Variants in SYNE2 observed in about 807,000 individuals in gnomAD.
SYNE2 encodes the protein nesprin-2.
SYNE2 carries 431 observed loss-of-function variants against 856.3 expected under a neutral mutation model. That is an observed-to-expected ratio of 0.50 (90% CI 0.47 to 0.55). The LOEUF (loss-of-function observed/expected upper bound fraction) is 0.55, where lower values mean the gene tolerates loss of function less well. Ranked by LOEUF, SYNE2 falls within the 20% of genes least tolerant of loss-of-function variation. The pLI, the probability that SYNE2 is intolerant of heterozygous loss-of-function variation, is 0.00. For missense variants in SYNE2, 8,129 were observed against 8,023.2 expected (o/e 1.01, Z -0.50); for synonymous variants, 2,923 against 2,872.3 (o/e 1.02, Z -0.56).
rs2098464701 is a variant in SYNE2, at chr14:64,182,748, T to C, written c.17557-3676T>C. ...CAGCATCCCAAGGCAGAATTTTTCT[T>C]AGTACAGAACAAAATGGAGTCTCCT... is the stretch of plus-strand genomic sequence containing the variant. On this transcript the variant is annotated intron_variant, in intron 96 of 115. Coordinates refer to ENST00000555002, the MANE Select transcript of SYNE2 (RefSeq NM_182914.3). 2.0e-5 allele frequency among the ~76,000 whole-genome samples: 3 copies of C among 152,360 alleles called. No individual in the cohort carries two copies. In the South Asian group the frequency reaches 6.2e-4, roughly 32 times the overall value.
intron 79 of SYNE2, 90 bp downstream of exon 79, chr14:64,138,073 C>A: frequency 7.0e-7 from 1 of 1,428,366 alleles, no homozygotes; most frequent in Non-Finnish European, 9.6e-7. Flanking sequence ...TACCTGCAAC[C>A]CACCTTATGC....
intron 1 of SYNE2, among the ~76,000 whole-genome samples, chr14:63,764,282 A>G (rs1277421742): frequency 1.3e-5 from 2 of 152,226 alleles, no homozygotes; most frequent in African/African-American, 4.8e-5. Flanking sequence ...GTGAAAGTCC[A>G]GTCAGAAACA....
intron 99 of SYNE2, among the ~76,000 whole-genome samples, chr14:64,199,607 A>T (rs1436378916): frequency 6.6e-6 from 1 of 151,496 alleles, no homozygotes; most frequent in Non-Finnish European, 1.5e-5. Context: ...AATCCCAGCT[A>T]CTCAGGAGTC....
intron 65 of SYNE2, chr14:64,112,947 G>C: frequency 1.1e-6 from 1 of 944,518 alleles, no homozygotes; most frequent in Admixed American, 6.2e-5. Flanking sequence ...TGTTGGAATA[G>C]AGTGTGCAGC....
At chr14:63,859,945 TTCCCTCCCTCCCTCCC>T (rs201459646) in intron 1 of SYNE2, among the ~76,000 whole-genome samples, 11 of 100,460 alleles carry the variant, frequency 1.1e-4, no homozygotes, top group African/African-American at 3.5e-4. Flanking sequence ...CTCCCCTTCC[TTCCCTCCCTCCCTCCC>T]TCCCTCCCTC....
At chr14:64,125,643 T>C (rs1203914275) in intron 71 of SYNE2, among the ~76,000 whole-genome samples, 1 of 152,164 alleles carries the variant, frequency 6.6e-6, no homozygotes, top group Non-Finnish European at 1.5e-5. Flanking sequence ...AGCTATGGCA[T>C]GCTCCTAAAC....
At chr14:64,168,810 A>G (rs2098396247) in intron 92 of SYNE2, 67 bp from the exon 93 acceptor site, 4 of 1,074,332 alleles carry the variant, frequency 3.7e-6, no homozygotes, top group African/African-American at 3.1e-5. Context: ...TTAATAGGAA[A>G]TGTAGGTTCC....
chr14:64,186,432 A>G lies in SYNE2; in HGVS notation c.17565A>G (p.Glu5855=). 1 of 1,614,204 alleles carries G rather than the reference A, an allele frequency of 6.2e-7. No homozygotes were observed. Residue 5855 remains glutamate, a synonymous_variant, in exon 97 of 116, where the codon GAA becomes GAG. Transcript: ENST00000555002. ...HNEKELIKEL[E]QSLASWTQNL... The stretch of plus-strand genomic sequence containing the variant: ...CTTGTGATTAAATGCAGGAACTAGA[A>G]CAGTCTTTGGCTAGCTGGACTCAGA...
chr14:64,111,551 C>T (rs1386946897), intron 65 of SYNE2, among the ~76,000 whole-genome samples: 3 of 152,092 alleles, frequency 2.0e-5, no homozygotes, highest in Non-Finnish European at 2.9e-5. Flanking sequence ...GTAATCCCAG[C>T]ACTTTGGGAG....
At chr14:63,939,347 CTTTTTTTTTTTT>C (rs1056199146) in intron 2 of SYNE2, among the ~76,000 whole-genome samples, 4 of 115,176 alleles carry the variant, frequency 3.5e-5, no homozygotes, top group African/African-American at 1.3e-4. Context: ...TTTTTTTTTT[CTTTTTTTTTTTT>C]TTTTTTGAGA....
At chr14:63,985,974 C>A (rs1036308128) in intron 18 of SYNE2, among the ~76,000 whole-genome samples, 1 of 152,142 alleles carries the variant, frequency 6.6e-6, no homozygotes, top group African/African-American at 2.4e-5. Context: ...TGCCACTGTA[C>A]TCCAGCCTGG....
rs1029555139 is a variant in SYNE2 at position 64,096,300 on chromosome 14, C to T, written c.12109-1649C>T. On this transcript the variant is annotated intron_variant, in intron 61 of 115. Coordinates refer to ENST00000555002, the MANE Select transcript of SYNE2 (RefSeq NM_182914.3). ...ACAACGAATATACTTGGTGTTCCTGCCTTGATTCATATTAGGTGCCGGTAG... is the reference window on the plus strand; with the variant it reads ...ACAACGAATATACTTGGTGTTCCTGTCTTGATTCATATTAGGTGCCGGTAG... Among the ~76,000 whole-genome samples, 3 of 152,174 alleles carry T rather than the reference C, an allele frequency of 2.0e-5. No homozygotes were observed. The East Asian group carries it at 5.8e-4, about 29-fold the overall frequency.
intron 10 of SYNE2, among the ~76,000 whole-genome samples, chr14:63,967,388 C>T (rs2096408275): frequency 1.3e-5 from 2 of 152,172 alleles, no homozygotes; most frequent in African/African-American, 4.8e-5. Flanking sequence ...TGAGTGCATA[C>T]TTGCGGAGAA....
chr14:63,811,282 G>T (rs1045348657), intron 1 of SYNE2, among the ~76,000 whole-genome samples: 1 of 151,930 alleles, frequency 6.6e-6, no homozygotes, highest in Non-Finnish European at 1.5e-5. Context: ...TTGATTCAGG[G>T]TCTTGCTCTG....
chr14:64,213,943 ACTTC>A (rs1415791493), intron 105 of SYNE2, among the ~76,000 whole-genome samples: 1 of 152,160 alleles, frequency 6.6e-6, no homozygotes, highest in Non-Finnish European at 1.5e-5. Flanking sequence ...AGATTATCAA[ACTTC>A]AGCTTTTTTT....
At chr14:63,866,232 C>A (rs1266780419) in intron 1 of SYNE2, among the ~76,000 whole-genome samples, 1 of 152,104 alleles carries the variant, frequency 6.6e-6, no homozygotes. Flanking sequence ...AAACAAAACT[C>A]GAAACACCAA....
At chr14:64,032,850 G>T (rs972663843) in intron 45 of SYNE2, among the ~76,000 whole-genome samples, 1 of 152,142 alleles carries the variant, frequency 6.6e-6, no homozygotes, top group Non-Finnish European at 1.5e-5. Context: ...ATGTGTAAAA[G>T]AAACTTTTAA....
chr14:64,147,254 C>T (rs192028766), intron 84 of SYNE2, among the ~76,000 whole-genome samples: 1 of 152,310 alleles, frequency 6.6e-6, no homozygotes, highest in Non-Finnish European at 1.5e-5. Flanking sequence ...AGACCACCCT[C>T]AGTGCAGGCC....
chr14:64,052,674 A>C lies in SYNE2; in HGVS notation c.8761A>C (p.Lys2921Gln), dbSNP rs182683822. The C allele has an allele frequency of 3.3e-4, 527 of 1,613,910 alleles. 3 individuals carry two copies. The highest frequency in any genetic ancestry group is 2.3e-4 in the Non-Finnish European group (272 of 1,179,892). ...LFLEDQLKNL[K>Q]IRTNRIQRFI... ...TCTGGAAGATCAGTTGAAAAATCTT[A>C]AGATTAGGACCAACAGAATACAAAG... Residue 2921 changes from lysine to glutamine, a missense_variant, in exon 48 of 116, where the codon AAG becomes CAG. Physicochemically the swap from Lys to Gln is moderately conservative, Grantham distance 53. This residue lies in a region of SYNE2 where 5,410 missense variants were observed against 5,284.8 expected (regional missense o/e 1.02). Coordinates refer to ENST00000555002, the MANE Select transcript of SYNE2 (RefSeq NM_182914.3).
Sources: allele counts gnomAD v4.1 joint callset (sites outside exome capture counted in the v4.1 genomes callset), GRCh38; gene constraint gnomAD v4.1.1; regional missense constraint gnomAD v4.1.1; transcripts MANE v1.5; gene names NCBI Gene and HGNC (gene_info 2026-07-23, HGNC 2026-07-21).